Variants in NAF1 observed in about 807,000 individuals in gnomAD.
The protein encoded by NAF1 is nuclear assembly factor 1 ribonucleoprotein, also known as H/ACA ribonucleoprotein complex non-core subunit NAF1.
A neutral mutation model predicts 40.6 loss-of-function variants in NAF1; 11 were observed. That is an observed-to-expected ratio of 0.27 (90% CI 0.17 to 0.45). NAF1 has a LOEUF of 0.45. Ranked by LOEUF, NAF1 falls within the 20% of genes least tolerant of loss-of-function variation. NAF1 has a pLI of 1.00. For synonymous variants in NAF1, 260 were observed against 228.5 expected (o/e 1.14, Z -1.24); for missense variants, 607 against 611.1 (o/e 0.99, Z 0.07).
chr4:163,126,503 CG>C (rs1730660339), downstream of NAF1, among the ~76,000 whole-genome samples: 1 of 152,066 alleles, frequency 6.6e-6, no homozygotes, highest in Admixed American at 6.6e-5. Context: ...TGCAATCTCA[CG>C]AAAAAACTTG....
chr4:163,119,082 T>C (rs1292364560), intron 2 of NAF1, among the ~76,000 whole-genome samples: 1 of 152,254 alleles, frequency 6.6e-6, no homozygotes, highest in African/African-American at 2.4e-5. Flanking sequence ...CCTATGAGAA[T>C]GGTCTCATTC....
downstream of NAF1, among the ~76,000 whole-genome samples, chr4:163,123,672 C>G (rs1730576368): frequency 6.6e-6 from 1 of 152,154 alleles, no homozygotes; most frequent in Admixed American, 6.5e-5. Context: ...CATGAACCAC[C>G]CTACCCGGCC....
chr4:163,106,453 A>G (rs1579108330), downstream of NAF1, among the ~76,000 whole-genome samples: 2 of 152,300 alleles, frequency 1.3e-5, no homozygotes, highest in South Asian at 4.1e-4. Flanking sequence ...TCATATTAGA[A>G]AGTGCCTATA....
intron 4 of NAF1, among the ~76,000 whole-genome samples, chr4:163,144,656 T>C (rs1295920523): frequency 1.3e-5 from 2 of 152,230 alleles, no homozygotes; most frequent in African/African-American, 4.8e-5. Context: ...CAAAAGCATT[T>C]ATAAAGCATT....
At chr4:163,147,751 G>A (rs915454458) in intron 3 of NAF1, among the ~76,000 whole-genome samples, 13 of 152,264 alleles carry the variant, frequency 8.5e-5, no homozygotes, top group African/African-American at 2.9e-4. Context: ...CCTGGATTAT[G>A]CAGGTAAACT....
In NAF1 at chr4:163,129,133, G is replaced by A. The variant is rs760162501; in HGVS notation, c.1249C>T (p.Pro417Ser). Reference protein sequence around the residue: ...SGFPSQRQNNPIMPQYPFPLP... With the variant: ...SGFPSQRQNNSIMPQYPFPLP... ...GGAAAGGGGTATTGTGGCATAATGG[G>A]ATTATTTTGTCTCTGAGAAGGAAAT... Residue 417 changes from proline (P) to serine (S), a missense_variant, in exon 8 of 8, where the codon CCC becomes TCC. By Grantham distance (74) the Pro-to-Ser change is moderately conservative. This residue lies in a region of NAF1 where 189 missense variants were observed against 216.6 expected (regional missense o/e 0.87). Coordinates refer to ENST00000274054, the MANE Select transcript of NAF1 (RefSeq NM_138386.3). The A allele has an allele frequency of 3.0e-5, 48 of 1,613,712 alleles. No individual in the cohort carries two copies. The highest frequency in any genetic ancestry group is 3.9e-5 in the Non-Finnish European group (46 of 1,179,778).
chr4:163,140,567 G>C (rs529206978), intron 4 of NAF1, among the ~76,000 whole-genome samples, 184 bp from the exon 5 acceptor site: 161 of 152,210 alleles, frequency 1.1e-3, no homozygotes, highest in Non-Finnish European at 1.9e-3. Context: ...TTCATATATT[G>C]ATTAAAATGC....
intron 2 of NAF1, among the ~76,000 whole-genome samples, chr4:163,152,729 T>C (rs1268057720): frequency 6.6e-6 from 1 of 152,252 alleles, no homozygotes; most frequent in Non-Finnish European, 1.5e-5. Context: ...CCTCTGCCTA[T>C]GCTCCCACTT....
At chr4:163,109,051 C>T (rs906258591), downstream of NAF1, 3 of 152,034 alleles carry the variant, frequency 2.0e-5, no homozygotes, top group Non-Finnish European at 4.4e-5. Context: ...ATATTAAAAA[C>T]TTTCTGACTG....
At chr4:163,110,018 T>C (rs1236475366), downstream of NAF1, 1 of 398,618 alleles carries the variant, frequency 2.5e-6, no homozygotes. Context: ...AAATGATATG[T>C]GAGGTAGCAT....
At position 163,158,826 on chromosome 4, in the gene NAF1, T is replaced by C. The variant is rs192668999; in HGVS notation, c.540+5391A>G. Among the ~76,000 whole-genome samples the C allele has an allele frequency of 1.1e-3, 167 of 152,202 alleles. 8 individuals carry two copies. In the East Asian group the frequency reaches 0.029, roughly 26 times the overall value. On this transcript the variant is annotated intron_variant, in intron 2 of 7. Coordinates refer to ENST00000274054, the MANE Select transcript of NAF1 (RefSeq NM_138386.3). ...CTAAGATAAAAAGACTGCCAAATAA[T>C]TGTAAAATGCCACAGAGTATTAGCC...
Position 163,140,346 on chromosome 4 carries a change from T to C in NAF1, c.755A>G (p.Tyr252Cys), listed in dbSNP as rs1731210679. 6.2e-7 allele frequency: 1 copy of C among 1,607,820 alleles called. No individual in the cohort carries two copies. ...ATCTGAAGAATTAAACCGTAACACA[T>C]AAAATGGATGTGCAACAGGTCCAAA... ...EIFGPVAHPF[Y>C]VLRFNSSDHI... Residue 252 changes from tyrosine to cysteine, a missense_variant, in exon 5 of 8, where the codon TAT becomes TGT. Coordinates refer to ENST00000274054, the MANE Select transcript of NAF1 (RefSeq NM_138386.3).
chr4:163,117,425 A>G (rs993783795), intron 2 of NAF1: 1 of 152,064 alleles, frequency 6.6e-6, no homozygotes, highest in African/African-American at 2.4e-5. Flanking sequence ...TGGCTCTCTA[A>G]TTTCACTAGG....
chr4:163,153,355 T>C (rs1731816801), intron 2 of NAF1, among the ~76,000 whole-genome samples: 1 of 152,174 alleles, frequency 6.6e-6, no homozygotes, highest in African/African-American at 2.4e-5. Flanking sequence ...TATCTAGCTC[T>C]GGGATTGTAA....
downstream of NAF1, chr4:163,127,195 T>C: frequency 4.9e-6 from 7 of 1,439,460 alleles, no homozygotes; most frequent in Non-Finnish European, 6.4e-6. Context: ...AATGGTGTGA[T>C]CTCAGCTCAT....
intron 7 of NAF1, among the ~76,000 whole-genome samples, chr4:163,131,737 A>C (rs1226276423): frequency 6.6e-6 from 1 of 152,238 alleles, no homozygotes; most frequent in Non-Finnish European, 1.5e-5. Context: ...CAAAACTAAA[A>C]ACTTTAGTAT....
chr4:163,113,406 T>C (rs1730225906), intron 2 of NAF1, among the ~76,000 whole-genome samples: 1 of 152,046 alleles, frequency 6.6e-6, no homozygotes, highest in African/African-American at 2.4e-5. Flanking sequence ...CCATCAAAAC[T>C]TGTAAGGTTA....
At chr4:163,119,165 CTGT>C (rs1367054345) in intron 2 of NAF1, among the ~76,000 whole-genome samples, 3 of 152,232 alleles carry the variant, frequency 2.0e-5, no homozygotes, top group South Asian at 4.1e-4. Flanking sequence ...TTATCCTTTT[CTGT>C]TGTTGTTGCG....
chr4:163,139,161 T>C (rs1385832679), intron 5 of NAF1, among the ~76,000 whole-genome samples: 1 of 152,136 alleles, frequency 6.6e-6, no homozygotes, highest in Non-Finnish European at 1.5e-5. Flanking sequence ...GTAATCTTCT[T>C]ATGCCATGCA....
Sources: allele counts gnomAD v4.1 joint callset (sites outside exome capture counted in the v4.1 genomes callset), GRCh38; gene constraint gnomAD v4.1.1; regional missense constraint gnomAD v4.1.1; transcripts MANE v1.5; gene names NCBI Gene and HGNC (gene_info 2026-07-23, HGNC 2026-07-21).